Variants in TTLL6 observed in about 807,000 individuals in gnomAD.
TTLL6 encodes tubulin tyrosine ligase like 6, also known as tubulin polyglutamylase TTLL6.
In TTLL6, 75 loss-of-function variants were observed where a neutral mutation model predicts 96.4. That is an observed-to-expected ratio of 0.78 (90% CI 0.65 to 0.94). The LOEUF is 0.94. Ranked by LOEUF, TTLL6 falls within the 40% of genes least tolerant of loss-of-function variation. The probability of loss-of-function intolerance (pLI) is 0.00; values close to 1 mark genes in which losing one functional copy is unlikely to be tolerated. For synonymous variants in TTLL6, 411 were observed against 419.4 expected (o/e 0.98, Z 0.24); for missense variants, 1,030 against 1,093.0 (o/e 0.94, Z 0.81).
At chr17:48,814,780 C>A (rs1041299975) in intron 1 of TTLL6, among the ~76,000 whole-genome samples, 4 of 152,142 alleles carry the variant, frequency 2.6e-5, no homozygotes, top group Middle Eastern at 3.2e-3. Context: ...TTAGTGCTTT[C>A]TTTTATCTTT....
intron 15 of TTLL6, among the ~76,000 whole-genome samples, chr17:48,764,989 T>C (rs1162982912): frequency 6.6e-6 from 1 of 152,184 alleles, no homozygotes; most frequent in Non-Finnish European, 1.5e-5. Flanking sequence ...AGACAGATAG[T>C]ATGGCTTCAA....
intron 13 of TTLL6, among the ~76,000 whole-genome samples, chr17:48,774,940 C>T (rs961981328): frequency 2.6e-5 from 4 of 152,014 alleles, no homozygotes; most frequent in African/African-American, 7.2e-5. Context: ...CGACACCAGC[C>T]TGGCCAACAT....
chr17:48,783,589 A>T (rs668246), intron 13 of TTLL6, among the ~76,000 whole-genome samples: 1 of 151,752 alleles, frequency 6.6e-6, no homozygotes, highest in Non-Finnish European at 1.5e-5. Flanking sequence ...GCACCATCAC[A>T]CCTGGCTAAT....
intron 7 of TTLL6, 110 bp downstream of exon 7, chr17:48,796,951 G>A (rs1271923101): frequency 6.3e-6 from 8 of 1,272,276 alleles, no homozygotes; most frequent in Non-Finnish European, 6.4e-6. Flanking sequence ...CATAGCAAGT[G>A]CTCAACAAAT....
At chr17:48,766,659 T>C (rs1597953628) in intron 15 of TTLL6, among the ~76,000 whole-genome samples, 1 of 152,308 alleles carries the variant, frequency 6.6e-6, no homozygotes, top group Admixed American at 6.5e-5. Flanking sequence ...AGGCCAGGAT[T>C]TCGAGAACAA....
At chr17:48,793,446 G>A (rs1022257853) in intron 8 of TTLL6, among the ~76,000 whole-genome samples, 4 of 152,032 alleles carry the variant, frequency 2.6e-5, no homozygotes, top group African/African-American at 9.7e-5. Flanking sequence ...ACAAAAAATT[G>A]GCCAAGCATG....
chr17:48,811,068 C>CTTTTTTTTTT (rs35618180), intron 1 of TTLL6, among the ~76,000 whole-genome samples: 1 of 110,550 alleles, frequency 9.0e-6, no homozygotes, highest in Non-Finnish European at 1.8e-5. Context: ...TATTATTTTT[C>CTTTTTTTTTT]TTTTTTTTTT....
chr17:48,801,160 T>C lies in TTLL6; in HGVS notation c.611+95A>G, dbSNP rs913417378. The C allele has an allele frequency of 9.7e-6, 11 of 1,137,416 alleles. No individual in the cohort carries two copies. In the East Asian group the frequency reaches 2.6e-4, roughly 27 times the overall value. 70.5% of individuals were successfully genotyped at this position (1,137,416 alleles called of 1,614,324 possible). A position where few individuals can be genotyped will look rare whatever the true frequency, so the allele number is the denominator to read the frequency against. ...GTAGCCAGAGAGATGGGAGTTCATA[T>C]GGGCAGGGAAAGTGGCAACCAGGGA... is the stretch of plus-strand genomic sequence containing the variant. On this transcript the variant is annotated intron_variant, in intron 5 of 15. Coordinates refer to ENST00000393382, the MANE Select transcript of TTLL6 (RefSeq NM_001130918.3).
At chr17:48,779,866 G>A (rs899515409) in intron 13 of TTLL6, among the ~76,000 whole-genome samples, 1 of 152,112 alleles carries the variant, frequency 6.6e-6, no homozygotes, top group Non-Finnish European at 1.5e-5. Context: ...AAACTAAGGT[G>A]AAAAAGTCAA....
At chr17:48,803,499 A>G (rs1009501339) in intron 3 of TTLL6, among the ~76,000 whole-genome samples, 1 of 152,072 alleles carries the variant, frequency 6.6e-6, no homozygotes, top group South Asian at 2.1e-4. Context: ...AAAAAACAAA[A>G]AAAAAAAACA....
intron 1 of TTLL6, among the ~76,000 whole-genome samples, chr17:48,814,849 A>G (rs929616489): frequency 2.2e-4 from 34 of 152,236 alleles, no homozygotes; most frequent in African/African-American, 6.3e-4. Flanking sequence ...GCACGATCTC[A>G]GCTCACCGCA....
chr17:48,766,680 A>G (rs1266073218), intron 15 of TTLL6, among the ~76,000 whole-genome samples: 1 of 152,170 alleles, frequency 6.6e-6, no homozygotes, highest in Non-Finnish European at 1.5e-5. Flanking sequence ...CTTGTCCAAC[A>G]TGGCAAAACC....
intron 1 of TTLL6, among the ~76,000 whole-genome samples, chr17:48,816,487 G>T (rs1213546352): frequency 1.3e-5 from 2 of 152,142 alleles, no homozygotes; most frequent in East Asian, 3.9e-4. Context: ...TTCAGGAGGG[G>T]TGAGAAATAA....
chr17:48,794,659 G>A (rs944446459), intron 8 of TTLL6, among the ~76,000 whole-genome samples: 22 of 152,150 alleles, frequency 1.4e-4, no homozygotes, highest in Admixed American at 1.4e-3. Flanking sequence ...CTGGAAAAGG[G>A]GGAGACTGCC....
rs1342489302 is a variant in TTLL6 at position 48,787,874 on chromosome 17, A to T, written c.1526T>A (p.Phe509Tyr). 6.2e-7 allele frequency: 1 copy of T among 1,614,202 alleles called. No individual in the cohort carries two copies. Among genetic ancestry groups the T allele is most frequent in the Admixed American group, 1.7e-5 (1 of 60,022 alleles). The part of the protein sequence containing the change: ...SLNSEKYEKF[F>Y]QDNNSLFQNT... ...CTGGAAGAGGGAGTTGTTGTCCTGGAAAAACTTCTCATACTTCTCCGAATT... is the reference window on the plus strand; with the variant it reads ...CTGGAAGAGGGAGTTGTTGTCCTGGTAAAACTTCTCATACTTCTCCGAATT... The change falls in exon 11 of 16, where the codon TTC (phenylalanine) becomes TAC (tyrosine). Residue 509 changes from phenylalanine to tyrosine, a missense_variant. Transcript: ENST00000393382.
chr17:48,768,505 C>T (rs1215182729), intron 15 of TTLL6, among the ~76,000 whole-genome samples: 1 of 151,926 alleles, frequency 6.6e-6, no homozygotes, highest in Non-Finnish European at 1.5e-5. Flanking sequence ...TTCCTGACCT[C>T]GTGATCCACC....
At chr17:48,805,042 G>T in intron 1 of TTLL6, 51 bp from the exon 2 acceptor site, 1 of 1,428,706 alleles carries the variant, frequency 7.0e-7, no homozygotes, top group East Asian at 2.5e-5. Context: ...CCTGCAGGGG[G>T]ACCCCCTCCC....
At chr17:48,790,893 C>T (rs1304550846) in intron 9 of TTLL6, among the ~76,000 whole-genome samples, 2 of 152,162 alleles carry the variant, frequency 1.3e-5, no homozygotes, top group African/African-American at 4.8e-5. Context: ...CTCACACTGC[C>T]GTATGGGTCT....
intron 12 of TTLL6, 131 bp from the exon 13 acceptor site, chr17:48,785,332 A>G (rs1034026227): frequency 7.3e-5 from 98 of 1,339,246 alleles, no homozygotes; most frequent in Non-Finnish European, 9.5e-5. Flanking sequence ...AAGTCTCTCT[A>G]ATGTGGGGCT....
Sources: gnomAD v4.1 joint callset for allele counts (sites outside exome capture counted in the v4.1 genomes callset) on GRCh38, gnomAD v4.1.1 for gene constraint, MANE v1.5 for transcripts, NCBI Gene and HGNC (gene_info 2026-07-23, HGNC 2026-07-21) for gene names.